Variants in XPO7 observed in about 807,000 individuals in gnomAD.
XPO7 encodes exportin 7, also known as exportin-7.
In XPO7, 21 loss-of-function variants were observed where a neutral mutation model predicts 144.3. The observed-to-expected ratio is 0.15, with a 90% CI of 0.10 to 0.21. The LOEUF is 0.21. XPO7 is among the 10% of genes least tolerant of loss of function. The pLI, the probability that XPO7 is intolerant of heterozygous loss-of-function variation, is 1.00. For synonymous variants in XPO7, 580 were observed against 499.6 expected (o/e 1.16, Z -2.15); for missense variants, 808 against 1,325.8 (o/e 0.61, Z 6.06).
At chr8:21,995,397 G>A in intron 20 of XPO7, 95 bp from the exon 21 acceptor site, 1 of 1,010,434 alleles carries the variant, frequency 9.9e-7, no homozygotes, top group Non-Finnish European at 1.5e-6. Flanking sequence ...AAGAACTGTA[G>A]TTTGACAAGT....
intron 1 of XPO7, among the ~76,000 whole-genome samples, chr8:21,930,328 G>A (rs1225154280): frequency 1.3e-5 from 2 of 152,124 alleles, no homozygotes; most frequent in Non-Finnish European, 2.9e-5. Context: ...TAGGCAATGG[G>A]AATATAAATG....
chr8:21,990,058 C>G (rs1160388737), intron 16 of XPO7, among the ~76,000 whole-genome samples: 1 of 151,508 alleles, frequency 6.6e-6, no homozygotes, highest in Non-Finnish European at 1.5e-5. Context: ...ACCGTGTTAG[C>G]CAGGATGGTC....
chr8:21,952,166 A>C (rs1384188536), intron 1 of XPO7, among the ~76,000 whole-genome samples: 2 of 152,238 alleles, frequency 1.3e-5, no homozygotes, highest in Non-Finnish European at 2.9e-5. Context: ...CAAGCTTGTA[A>C]ATGAAAACTA....
Position 21,982,787 on chromosome 8 carries a change from T to G in XPO7, c.1252T>G (p.Leu418Val), listed in dbSNP as rs2170864. The G allele has an allele frequency of 6.2e-7, 1 of 1,612,030 alleles. No individual in the cohort carries two copies. Among genetic ancestry groups the G allele is most frequent in the South Asian group, 1.1e-5 (1 of 90,742 alleles). The part of the protein sequence containing the change: ...EVTKAYITSR[L>V]ESVHIILRDG... ...CACCAAAGCCTACATCACATCCCGG[T>G]TGGAATCTGTGCACATCATACTGAG... The change falls in exon 11 of 28, where the codon TTG becomes GTG. Residue 418 changes from leucine (L) to valine (V), a missense_variant. Physicochemically the swap from Leu to Val is conservative, Grantham distance 32. Transcript: ENST00000252512.
chr8:21,961,053 C>T (rs1811710658), intron 1 of XPO7, among the ~76,000 whole-genome samples: 1 of 152,090 alleles, frequency 6.6e-6, no homozygotes, highest in South Asian at 2.1e-4. Context: ...GTAACCAGCA[C>T]ACAAATTAAG....
At chr8:21,920,416 C>T (rs1373338803) in intron 1 of XPO7, among the ~76,000 whole-genome samples, 4 of 152,110 alleles carry the variant, frequency 2.6e-5, no homozygotes, top group Non-Finnish European at 4.4e-5. Context: ...CAGGCCTCGG[C>T]CCGCCTCCCC....
At chr8:21,998,241 AC>A (rs1157690506) in intron 21 of XPO7, among the ~76,000 whole-genome samples, 1 of 152,198 alleles carries the variant, frequency 6.6e-6, no homozygotes, top group Non-Finnish European at 1.5e-5. Flanking sequence ...GGAGATCGAG[AC>A]CATCCTGGCT....
intron 25 of XPO7, among the ~76,000 whole-genome samples, chr8:22,002,631 GGAA>G (rs146200920): frequency 0.029 from 4,472 of 152,220 alleles, 219 homozygotes; most frequent in African/African-American, 0.1. Context: ...TTACAAAACA[GGAA>G]GAAGAATGCA....
At chr8:21,980,642 G>A (rs1812374546) in intron 9 of XPO7, among the ~76,000 whole-genome samples, 1 of 152,026 alleles carries the variant, frequency 6.6e-6, no homozygotes, top group Non-Finnish European at 1.5e-5. Context: ...GGCCATGGTG[G>A]CACGTGCCTG....
Position 21,999,052 on chromosome 8 carries a change from T to C in XPO7, c.2429-39T>C, listed in dbSNP as rs75176592. 1,424 of 1,611,526 alleles carry C rather than the reference T, an allele frequency of 8.8e-4. 29 individuals are homozygous for C. In the East Asian group the frequency reaches 0.029, roughly 33 times the overall value. ...GAAGGCTGATCTAAACGAGCGCTTCTAATGTGGTTGAATAAACATATATGA... is the reference window on the plus strand; with the variant it reads ...GAAGGCTGATCTAAACGAGCGCTTCCAATGTGGTTGAATAAACATATATGA... On this transcript the variant is annotated intron_variant, in intron 22 of 27. Transcript: ENST00000252512.
intron 21 of XPO7, among the ~76,000 whole-genome samples, chr8:21,996,240 A>G (rs1028060318): frequency 1.3e-5 from 2 of 152,172 alleles, no homozygotes; most frequent in African/African-American, 4.8e-5. Context: ...CCTGGGCAAC[A>G]TGGTGAAACC....
At chr8:21,962,196 C>G (rs1473043586) in intron 1 of XPO7, among the ~76,000 whole-genome samples, 4 of 152,156 alleles carry the variant, frequency 2.6e-5, no homozygotes, top group Non-Finnish European at 4.4e-5. Flanking sequence ...GCCCTGTGAA[C>G]TCTATTGTAG....
At chr8:21,969,828 A>G in intron 3 of XPO7, 2 of 544,862 alleles carry the variant, frequency 3.7e-6, no homozygotes, top group Non-Finnish European at 6.4e-6. Flanking sequence ...CTTTACTGCC[A>G]CTAATAACTA....
chr8:21,935,850 A>ATC lies in XPO7; in HGVS notation c.18+16074_18+16075dup, dbSNP rs1225721020. On this transcript the variant is annotated intron_variant, in intron 1 of 27. Transcript: ENST00000252512. ...GCAAGATATCTTTCTCTCTCTCTCAATCTCTCTCTCTCTGTCTCGTCTGCA... is the reference window on the plus strand; with the variant it reads ...GCAAGATATCTTTCTCTCTCTCTCAATCTCTCTCTCTCTCTGTCTCGTCTGCA... 2.6e-5 allele frequency among the ~76,000 whole-genome samples: 4 copies of ATC among 151,162 alleles called. No homozygotes were observed. The East Asian group carries it at 5.9e-4, about 22-fold the overall frequency.
At chr8:21,920,474 A>G (rs1040892324) in intron 1 of XPO7, among the ~76,000 whole-genome samples, 4 of 152,012 alleles carry the variant, frequency 2.6e-5, no homozygotes, top group East Asian at 1.9e-4. Context: ...CACACCTCCT[A>G]TGAAACACGG....
intron 8 of XPO7, among the ~76,000 whole-genome samples, chr8:21,979,469 G>A (rs753779049): frequency 6.1e-5 from 9 of 148,686 alleles, no homozygotes; most frequent in Admixed American, 3.4e-4. Flanking sequence ...GTGCAGTGGC[G>A]CGATCTCGGC....
intron 1 of XPO7, among the ~76,000 whole-genome samples, chr8:21,937,272 C>T (rs1810851962): frequency 6.6e-6 from 1 of 152,052 alleles, no homozygotes; most frequent in African/African-American, 2.4e-5. Flanking sequence ...AATGTATTTC[C>T]AAAACACAGT....
chr8:21,939,883 T>C (rs1484991239), intron 1 of XPO7, among the ~76,000 whole-genome samples: 1 of 152,268 alleles, frequency 6.6e-6, no homozygotes, highest in Non-Finnish European at 1.5e-5. Flanking sequence ...TTTAGTAGTC[T>C]TTTAAATTTT....
Position 21,985,612 on chromosome 8 carries a change from A to G in XPO7, c.1498A>G (p.Ile500Val). Reference sequence around the variant, plus strand: ...AAGGCTGACATGGCTGGTTTACATTATTGGAGCAGTGATCGGTGGCCGGGT... The same window carrying G: ...AAGGCTGACATGGCTGGTTTACATTGTTGGAGCAGTGATCGGTGGCCGGGT... ...EGRLTWLVYI[I>V]GAVIGGRVSF... The change falls in exon 13 of 28, where the codon ATT (isoleucine) becomes GTT (valine). Residue 500 changes from isoleucine to valine, a missense_variant. By Grantham distance (29) the Ile-to-Val change is conservative (BLOSUM62 3). Around this residue, in one of 5 missense-constraint regions of XPO7, gnomAD observed 416 missense variants for 612.5 expected, o/e 0.68. Transcript: ENST00000252512. The G allele has an allele frequency of 6.2e-7, 1 of 1,613,980 alleles. No homozygotes were observed. Among genetic ancestry groups the G allele is most frequent in the South Asian group, 1.1e-5 (1 of 91,080 alleles).
Sources: allele counts gnomAD v4.1 joint callset (sites outside exome capture counted in the v4.1 genomes callset), GRCh38; gene constraint gnomAD v4.1.1; regional missense constraint gnomAD v4.1.1; transcripts MANE v1.5; gene names NCBI Gene and HGNC (gene_info 2026-07-23, HGNC 2026-07-21).